ILRUN: variants seen among roughly 807,000 people sequenced by gnomAD.
The protein encoded by ILRUN is inflammation and lipid regulator with UBA-like and NBR1-like domains, also known as protein ILRUN.
A neutral mutation model predicts 33.8 loss-of-function variants in ILRUN; 3 were observed. That is an observed-to-expected ratio of 0.09 (90% CI 0.04 to 0.23). The LOEUF (loss-of-function observed/expected upper bound fraction) is 0.23. Ranked by LOEUF, ILRUN falls within the 10% of genes least tolerant of loss-of-function variation. The pLI is 1.00. For synonymous variants in ILRUN, 124 were observed against 138.9 expected (o/e 0.89, Z 0.75); for missense variants, 210 against 375.1 (o/e 0.56, Z 3.64).
intron 1 of ILRUN, among the ~76,000 whole-genome samples, chr6:34,656,628 T>C (rs1762776245): frequency 6.6e-6 from 1 of 152,228 alleles, no homozygotes; most frequent in Non-Finnish European, 1.5e-5. Context: ...TTTTTAATTA[T>C]ACATAAACAT....
chr6:34,659,618 CTTTTTTTTTT>C (rs985939505), intron 1 of ILRUN, among the ~76,000 whole-genome samples: 2 of 91,478 alleles, frequency 2.2e-5, no homozygotes, highest in African/African-American at 9.2e-5. Flanking sequence ...ATAAGGCAGT[CTTTTTTTTTT>C]TTTTTTTTTT....
At chr6:34,667,140 A>G (rs954024415) in intron 1 of ILRUN, among the ~76,000 whole-genome samples, 2 of 152,252 alleles carry the variant, frequency 1.3e-5, no homozygotes, top group African/African-American at 2.4e-5. Flanking sequence ...TTCCTTGAAG[A>G]AAGTTTGGTC....
At chr6:34,638,780 A>G (rs1405755677) in intron 3 of ILRUN, among the ~76,000 whole-genome samples, 1 of 152,218 alleles carries the variant, frequency 6.6e-6, no homozygotes, top group Non-Finnish European at 1.5e-5. Context: ...AGAATTCTAG[A>G]GACCAGAACT....
chr6:34,651,923 G>A (rs1762680023), intron 2 of ILRUN, among the ~76,000 whole-genome samples: 1 of 151,420 alleles, frequency 6.6e-6, no homozygotes, highest in African/African-American at 2.4e-5. Context: ...CTCCCAAGTA[G>A]CTGGGACTAC....
At chr6:34,614,823 G>A (rs1036307067) in intron 3 of ILRUN, among the ~76,000 whole-genome samples, 1 of 152,132 alleles carries the variant, frequency 6.6e-6, no homozygotes, top group African/African-American at 2.4e-5. Context: ...TTGATAGGGT[G>A]CTTTACCTCT....
intron 1 of ILRUN, among the ~76,000 whole-genome samples, chr6:34,676,501 G>A (rs1582101665): frequency 6.6e-6 from 1 of 151,482 alleles, no homozygotes; most frequent in Non-Finnish European, 1.5e-5. Context: ...TGCAAAGATA[G>A]AGAGAGAGAG....
At chr6:34,627,790 G>A (rs1222887900) in intron 3 of ILRUN, among the ~76,000 whole-genome samples, 2 of 145,784 alleles carry the variant, frequency 1.4e-5, no homozygotes, top group Non-Finnish European at 3.0e-5. Context: ...CACAACCTCC[G>A]CCTCCCTGGT....
intron 3 of ILRUN, among the ~76,000 whole-genome samples, chr6:34,636,710 CATT>C (rs1291899985): frequency 1.2e-4 from 18 of 152,146 alleles, no homozygotes; most frequent in Non-Finnish European, 2.1e-4. Context: ...TACCAATCAT[CATT>C]ATGTTAAAAA....
intron 3 of ILRUN, among the ~76,000 whole-genome samples, chr6:34,611,184 C>T (rs1024047813): frequency 2.7e-5 from 4 of 150,206 alleles, no homozygotes; most frequent in Admixed American, 6.7e-5. Context: ...TGGGCTCAAG[C>T]GATCCTCCTG....
At chr6:34,618,878 AG>A (rs1027167467) in intron 3 of ILRUN, among the ~76,000 whole-genome samples, 97 of 152,358 alleles carry the variant, frequency 6.4e-4, no homozygotes, top group African/African-American at 2.2e-3. Context: ...AAGATAGAGA[AG>A]GAACAGCCCT....
Position 34,674,527 on chromosome 6 carries a change from T to A in ILRUN, c.159-19748A>T, listed in dbSNP as rs1763186793. ...CCTGTGTAAAGTCAACAGATAATGA[T>A]TAAAGGTTAAAAAAAATTGAGAGAG... On this transcript the variant is annotated intron_variant, in intron 1 of 4. Transcript: ENST00000374023. Among the ~76,000 whole-genome samples the A allele has an allele frequency of 3.3e-5, 5 of 151,930 alleles. No individual in the cohort carries two copies. In the South Asian group the frequency reaches 1.0e-3, roughly 31 times the overall value.
intron 1 of ILRUN, among the ~76,000 whole-genome samples, chr6:34,670,204 C>T (rs1763087510): frequency 6.6e-6 from 1 of 152,006 alleles, no homozygotes; most frequent in African/African-American, 2.4e-5. Context: ...TAAGCAACCC[C>T]GCCTGGCCAA....
intron 1 of ILRUN, among the ~76,000 whole-genome samples, chr6:34,664,047 T>G (rs1010433230): frequency 1.2e-4 from 18 of 152,154 alleles, no homozygotes; most frequent in African/African-American, 4.3e-4. Context: ...GCCTGTAGCC[T>G]CTGGAAGCAG....
At chr6:34,613,997 A>C (rs1020687206) in intron 3 of ILRUN, among the ~76,000 whole-genome samples, 1 of 152,230 alleles carries the variant, frequency 6.6e-6, no homozygotes, top group African/African-American at 2.4e-5. Flanking sequence ...GTCAAAGAAC[A>C]AAAGGATAAG....
chr6:34,609,007 T>G (rs938883503), intron 3 of ILRUN, among the ~76,000 whole-genome samples: 1 of 152,210 alleles, frequency 6.6e-6, no homozygotes, highest in Non-Finnish European at 1.5e-5. Context: ...TACGAAGAAC[T>G]GTCTAGGATC....
At chr6:34,604,123 C>A (rs1472522064) in intron 4 of ILRUN, among the ~76,000 whole-genome samples, 6 of 152,180 alleles carry the variant, frequency 3.9e-5, no homozygotes, top group African/African-American at 9.7e-5. Flanking sequence ...ACAGTTCTTG[C>A]AAATGCTACT....
rs757186383 is a variant in ILRUN, at chr6:34,682,260, T to TGTTTTGTTTTGTTTTG, written c.158+14185_158+14186insCAAAACAAAACAAAAC. Among the ~76,000 whole-genome samples, 24 of 131,666 alleles carry TGTTTTGTTTTGTTTTG rather than the reference T, an allele frequency of 1.8e-4. 1 individual carries two copies. The highest frequency in any genetic ancestry group is 4.0e-4 in the African/African-American group (13 of 32,496). 86.4% of individuals were successfully genotyped at this position (131,666 alleles called of 152,430 possible). ...GCTCCCTGCAACCTCTGTTTTTTTT[T>TGTTTTGTTTTGTTTTG]TTTTTTTTTTTTTTTTTGAGACAGT... On this transcript the variant is annotated intron_variant, in intron 1 of 4. Transcript: ENST00000374023.
chr6:34,640,881 C>A (rs1207232313), intron 3 of ILRUN, among the ~76,000 whole-genome samples: 1 of 151,608 alleles, frequency 6.6e-6, no homozygotes, highest in Non-Finnish European at 1.5e-5. Context: ...GAGTTCAAAA[C>A]CAGCCTAGAC....
chr6:34,616,066 G>A (rs934670250), intron 3 of ILRUN, among the ~76,000 whole-genome samples: 3 of 152,118 alleles, frequency 2.0e-5, no homozygotes, highest in Admixed American at 6.6e-5. Context: ...ACTTGGGAAG[G>A]GACCACTTCA....
Sources: allele counts gnomAD v4.1 joint callset (sites outside exome capture counted in the v4.1 genomes callset), GRCh38; gene constraint gnomAD v4.1.1; transcripts MANE v1.5; gene names NCBI Gene and HGNC (gene_info 2026-07-23, HGNC 2026-07-21).